ARHGAP10: variants seen among roughly 807,000 people sequenced by gnomAD.
ARHGAP10 encodes the protein Rho GTPase activating protein 10, also known as rho GTPase-activating protein 10.
In ARHGAP10, 87 loss-of-function variants were observed where a neutral mutation model predicts 108.6. The ratio of observed to expected loss-of-function variants is 0.80; its 90% CI spans 0.67 to 0.96. The LOEUF (loss-of-function observed/expected upper bound fraction) is 0.96. Ranked by LOEUF, ARHGAP10 falls within the 40% of genes least tolerant of loss-of-function variation. The probability of loss-of-function intolerance (pLI) is 0.00; values close to 1 mark genes in which losing one functional copy is unlikely to be tolerated. For missense variants in ARHGAP10, 939 were observed against 954.5 expected (o/e 0.98, Z 0.21); for synonymous variants, 347 against 341.1 (o/e 1.02, Z -0.19).
At chr4:147,846,202 G>A (rs1218066034) in intron 3 of ARHGAP10, among the ~76,000 whole-genome samples, 2 of 152,098 alleles carry the variant, frequency 1.3e-5, no homozygotes, top group Non-Finnish European at 2.9e-5. Flanking sequence ...GTCTCTTTGG[G>A]AGAAACCCTC....
At chr4:147,745,105 A>C (rs1167767325) in intron 1 of ARHGAP10, among the ~76,000 whole-genome samples, 1 of 151,856 alleles carries the variant, frequency 6.6e-6, no homozygotes, top group Non-Finnish European at 1.5e-5. Context: ...AGCAGGAGGG[A>C]GTAGACAAGG....
At chr4:148,047,708 C>T (rs974469011) in intron 20 of ARHGAP10, among the ~76,000 whole-genome samples, 2 of 152,166 alleles carry the variant, frequency 1.3e-5, no homozygotes, top group African/African-American at 4.8e-5. Context: ...AAGGGCATCA[C>T]GTTTCAAACA....
At chr4:147,910,734 A>G (rs1736697635) in intron 12 of ARHGAP10, among the ~76,000 whole-genome samples, 1 of 152,034 alleles carries the variant, frequency 6.6e-6, no homozygotes, top group Admixed American at 6.6e-5. Context: ...TGATGAATTT[A>G]CTTTTGACAT....
chr4:147,732,142 C>A lies in ARHGAP10; in HGVS notation c.-160C>A, dbSNP rs992056953. 8 of 536,802 alleles carry A rather than the reference C, an allele frequency of 1.5e-5. No individual in the cohort carries two copies. Among genetic ancestry groups the A allele is most frequent in the African/African-American group, 6.0e-5 (3 of 49,798 alleles). The allele number at this position is 536,802 out of a possible 1,614,324, so 33.3% of individuals were successfully genotyped here. A position where few individuals can be genotyped will look rare whatever the true frequency, so the allele number is the denominator to read the frequency against. On this transcript the variant is annotated 5_prime_UTR_variant, in exon 1 of 23. Coordinates refer to ENST00000336498, the MANE Select transcript of ARHGAP10 (RefSeq NM_024605.4). ...GGCAGCTCCTCCGCGCCGCAGGACT[C>A]GGCTCTACGGGACATGTCCGTGCCG...
At chr4:148,069,072 C>T (rs985647541) in intron 22 of ARHGAP10, among the ~76,000 whole-genome samples, 7 of 152,060 alleles carry the variant, frequency 4.6e-5, no homozygotes, top group African/African-American at 9.7e-5. Flanking sequence ...CCCTGTTGTC[C>T]GCGTAGACAC....
intron 19 of ARHGAP10, among the ~76,000 whole-genome samples, chr4:148,035,930 T>C (rs1318061647): frequency 2.6e-5 from 4 of 152,142 alleles, no homozygotes; most frequent in African/African-American, 9.7e-5. Context: ...CTTTGGATGG[T>C]AGGGTAGAGT....
At chr4:147,926,671 A>C (rs1560829989) in intron 13 of ARHGAP10, among the ~76,000 whole-genome samples, 2 of 152,222 alleles carry the variant, frequency 1.3e-5, no homozygotes, top group South Asian at 4.1e-4. Context: ...AAAGGACAGA[A>C]TCTTTGTGAA....
intron 4 of ARHGAP10, among the ~76,000 whole-genome samples, chr4:147,855,409 G>C (rs1365901066): frequency 6.6e-6 from 1 of 150,578 alleles, no homozygotes; most frequent in Non-Finnish European, 1.5e-5. Context: ...GCAGAAAAGA[G>C]AGTAACTATG....
chr4:148,047,608 A>G (rs1306828219), intron 20 of ARHGAP10, among the ~76,000 whole-genome samples: 1 of 152,206 alleles, frequency 6.6e-6, no homozygotes, highest in African/African-American at 2.4e-5. Context: ...TATTAATACA[A>G]ATAAAGTACC....
intron 1 of ARHGAP10, among the ~76,000 whole-genome samples, chr4:147,770,778 A>T (rs1730043803): frequency 6.6e-6 from 1 of 152,096 alleles, no homozygotes. Flanking sequence ...TTTTTTCTGT[A>T]TGACAGTTGT....
chr4:147,918,321 G>A (rs557433699), intron 13 of ARHGAP10, among the ~76,000 whole-genome samples: 2 of 151,884 alleles, frequency 1.3e-5, no homozygotes, highest in African/African-American at 4.8e-5. Flanking sequence ...ATTTTTAGTA[G>A]AGACAGGGTT....
chr4:147,976,251 C>T (rs1220215061), intron 18 of ARHGAP10, among the ~76,000 whole-genome samples: 1 of 152,160 alleles, frequency 6.6e-6, no homozygotes. Flanking sequence ...AAACATCTAG[C>T]CAAAAATGCT....
chr4:147,873,872 C>CT (rs1433238873), intron 7 of ARHGAP10, among the ~76,000 whole-genome samples: 2 of 132,976 alleles, frequency 1.5e-5, no homozygotes, highest in East Asian at 2.2e-4. Context: ...GAGACCCTGT[C>CT]TTTAAAAAAA....
chr4:148,063,302 T>C lies in ARHGAP10; in HGVS notation c.2180+2T>C, dbSNP rs1729706818. 1 of 1,613,992 alleles carries C rather than the reference T, an allele frequency of 6.2e-7. No homozygotes were observed. The highest frequency in any genetic ancestry group is 8.5e-7 in the Non-Finnish European group (1 of 1,180,012). On this transcript the variant is annotated splice_donor_variant, in intron 21 of 22. Transcript: ENST00000336498. LOFTEE classifies it high-confidence loss of function. ...TGTAGCGGACAAGCCACCTGAAAGG[T>C]ACGTGGTTTGGAGTGGAATGTGGAA... is the stretch of plus-strand genomic sequence containing the variant.
At chr4:147,857,361 C>G (rs529980705) in intron 4 of ARHGAP10, among the ~76,000 whole-genome samples, 192 bp from the exon 5 acceptor site, 1 of 152,142 alleles carries the variant, frequency 6.6e-6, no homozygotes. Context: ...AAAAGTGTCT[C>G]TTCTATCCTA....
chr4:147,841,768 G>A (rs1238566950), intron 3 of ARHGAP10, among the ~76,000 whole-genome samples: 1 of 152,070 alleles, frequency 6.6e-6, no homozygotes, highest in East Asian at 1.9e-4. Flanking sequence ...ATCAGGCTTT[G>A]CTAAAGAAGG....
chr4:147,907,284 T>G (rs1401914357), intron 11 of ARHGAP10, among the ~76,000 whole-genome samples: 2 of 152,222 alleles, frequency 1.3e-5, no homozygotes, highest in Non-Finnish European at 2.9e-5. Flanking sequence ...TGGCCACTAT[T>G]GAAACACTAC....
Position 147,925,218 on chromosome 4 carries a change from A to G in ARHGAP10, c.1228+12079A>G, listed in dbSNP as rs369578975. 2.6e-4 allele frequency among the ~76,000 whole-genome samples: 39 copies of G among 152,314 alleles called. No homozygotes were observed. In the South Asian group the frequency reaches 7.3e-3, roughly 28 times the overall value. On this transcript the variant is annotated intron_variant, in intron 13 of 22. Coordinates refer to ENST00000336498, the MANE Select transcript of ARHGAP10 (RefSeq NM_024605.4). The stretch of plus-strand genomic sequence containing the variant: ...AAGCTTTTCCTCAGAAGCCAAACAA[A>G]CACCACAAAACACCCTGAAAACCAA...
intron 3 of ARHGAP10, among the ~76,000 whole-genome samples, chr4:147,842,576 G>A (rs1733460304): frequency 6.6e-6 from 1 of 152,046 alleles, no homozygotes; most frequent in African/African-American, 2.4e-5. Flanking sequence ...TAGTGACACC[G>A]AGCTGCTTAG....
Sources: gnomAD v4.1 joint callset for allele counts (sites outside exome capture counted in the v4.1 genomes callset) on GRCh38, gnomAD v4.1.1 for gene constraint, MANE v1.5 for transcripts, NCBI Gene and HGNC (gene_info 2026-07-23, HGNC 2026-07-21) for gene names.